The following ZNF783 variants were observed in gnomAD, a reference collection of about 807,000 sequenced individuals.
ZNF783 encodes the protein protein ZNF783.
ZNF783 carries 25 observed loss-of-function variants against 31.3 expected under a neutral mutation model. The observed-to-expected ratio is 0.80, with a 90% confidence interval of 0.58 to 1.11. ZNF783 has a LOEUF of 1.11. Among genes scored for constraint, ZNF783 ranks in the 50% most tolerant of loss-of-function variants. ZNF783 has a pLI of 0.00. For synonymous variants in ZNF783, 369 were observed against 319.1 expected (o/e 1.16, Z -1.66); for missense variants, 797 against 760.0 (o/e 1.05, Z -0.57).
chr7:149,266,372 C>G lies in ZNF783; in HGVS notation c.62C>G (p.Pro21Arg), dbSNP rs1415925055. 6.3e-7 allele frequency: 1 copy of G among 1,597,866 alleles called. No homozygotes were observed. Among genetic ancestry groups the G allele is most frequent in the Non-Finnish European group, 8.5e-7 (1 of 1,178,812 alleles). The change falls in exon 2 of 6, where the codon CCT (proline) becomes CGT (arginine). Residue 21 changes from proline (P) to arginine (R), a missense_variant. Pro to Arg is a moderately radical substitution (Grantham distance 103). Coordinates refer to ENST00000434415, the MANE Select transcript of ZNF783 (RefSeq NM_001195220.2). ...GACAAGCACACAGAGGACCAGAGTC[C>G]TTCGACACCCTTGCCCCAGCCAGCT... ...ETDKHTEDQS[P>R]STPLPQPAAE... is the part of the protein sequence containing the mutation.
intron 5 of ZNF783, among the ~76,000 whole-genome samples, chr7:149,280,046 C>T (rs1388759534): frequency 1.4e-5 from 2 of 147,890 alleles, no homozygotes; most frequent in Non-Finnish European, 3.0e-5. Flanking sequence ...TAGGGGTGGC[C>T]GGGCAGAGGC....
At chr7:149,262,900 T>C (rs116477643) in intron 1 of ZNF783, among the ~76,000 whole-genome samples, 1 of 152,164 alleles carries the variant, frequency 6.6e-6, no homozygotes, top group Admixed American at 6.5e-5. Context: ...TAGATTTTTT[T>C]AAAAAAGATT....
In ZNF783 at chr7:149,282,644, G is replaced by A. The variant is rs1225636296; in HGVS notation, c.*301G>A. 8.7e-6 allele frequency: 3 copies of A among 344,800 alleles called. No homozygotes were observed. Among genetic ancestry groups the A allele is most frequent in the South Asian group, 9.4e-5 (1 of 10,590 alleles). The allele number at this position is 344,800 out of a possible 1,614,324, so 21.4% of individuals were successfully genotyped here. ...AGGACCAGAGATCATGGCCCTTCCA[G>A]TATGGGGGCGATAGAGACATCGGGG... On this transcript the variant is annotated 3_prime_UTR_variant, in exon 6 of 6. Transcript: ENST00000434415.
intron 1 of ZNF783, among the ~76,000 whole-genome samples, chr7:149,266,030 G>A (rs1236732461): frequency 6.6e-6 from 1 of 152,218 alleles, no homozygotes; most frequent in Admixed American, 6.5e-5. Context: ...GAGACTGCAC[G>A]TGGTTGCTCA....
Position 149,266,568 on chromosome 7 carries a change from G to A in ZNF783, c.258G>A (p.Val86=). The A allele has an allele frequency of 5.0e-6, 8 of 1,614,218 alleles. No homozygotes were observed. The highest frequency in any genetic ancestry group is 6.8e-6 in the Non-Finnish European group (8 of 1,180,042). ...TGGCCGACTGCGAGAAGACAGCTGT[G>A]GAGTTCGGGAACCAGCTGGAGGGCA... ...KKLADCEKTA[V]EFGNQLEGKW... Residue 86 remains valine (V), a synonymous_variant, in exon 2 of 6, where the codon GTG becomes GTA. Transcript: ENST00000434415.
At chr7:149,272,196 G>T (rs1472676768) in intron 4 of ZNF783, among the ~76,000 whole-genome samples, 2 of 152,026 alleles carry the variant, frequency 1.3e-5, no homozygotes, top group African/African-American at 4.8e-5. Flanking sequence ...TTTCGTATTA[G>T]CAGAGACGGG....
At position 149,281,788 on chromosome 7, in the gene ZNF783, C is replaced by T; in HGVS notation, c.1086C>T (p.Ile362=). The change falls in exon 6 of 6, where the codon ATC becomes ATT. Residue 362 remains isoleucine, a synonymous_variant. Coordinates refer to ENST00000434415, the MANE Select transcript of ZNF783 (RefSeq NM_001195220.2). The part of the protein sequence containing the change: ...PDCGQSFRLK[I]NLTIHQRTHV... ...GCGGGCAGAGCTTCCGCCTGAAGAT[C>T]AATCTGACGATTCATCAGCGGACCC... 1 of 1,515,264 alleles carries T rather than the reference C, an allele frequency of 6.6e-7. No homozygotes were observed. Among genetic ancestry groups the T allele is most frequent in the Non-Finnish European group, 8.8e-7 (1 of 1,141,618 alleles). 93.9% of individuals were successfully genotyped at this position (1,515,264 alleles called of 1,614,324 possible). A position where few individuals can be genotyped will look rare whatever the true frequency, so the allele number is the denominator to read the frequency against.
At chr7:149,269,386 G>A (rs1221142960) in intron 4 of ZNF783, among the ~76,000 whole-genome samples, 1 of 152,212 alleles carries the variant, frequency 6.6e-6, no homozygotes, top group African/African-American at 2.4e-5. Context: ...TTACTCTGTT[G>A]GTAGTTTCTT....
Position 149,266,354 on chromosome 7 carries a change from A to C in ZNF783, c.44A>C (p.His15Pro). 6.3e-7 allele frequency: 1 copy of C among 1,591,110 alleles called. No homozygotes were observed. The highest frequency in any genetic ancestry group is 8.5e-7 in the Non-Finnish European group (1 of 1,175,258). The change falls in exon 2 of 6, where the codon CAC (histidine) becomes CCC (proline). Residue 15 changes from histidine (H) to proline (P), a missense_variant. Physicochemically the swap from His to Pro is moderately conservative, Grantham distance 77. Transcript: ENST00000434415. The part of the protein sequence containing the change: ...APARDPETDK[H>P]TEDQSPSTPL... The stretch of plus-strand genomic sequence containing the variant: ...GAGCAGGACCCCGAGACAGACAAGC[A>C]CACAGAGGACCAGAGTCCTTCGACA...
intron 1 of ZNF783, among the ~76,000 whole-genome samples, chr7:149,263,166 A>G (rs1796976381): frequency 6.6e-6 from 1 of 151,668 alleles, no homozygotes; most frequent in Admixed American, 6.6e-5. Flanking sequence ...TGACCTCGTG[A>G]TCTGCCCGCC....
chr7:149,273,811 T>C (rs1056690601), intron 4 of ZNF783, among the ~76,000 whole-genome samples: 1 of 152,236 alleles, frequency 6.6e-6, no homozygotes, highest in African/African-American at 2.4e-5. Context: ...TCCAAAGCAC[T>C]GAGATTAGAG....
At chr7:149,263,252 G>GTA (rs952057109) in intron 1 of ZNF783, among the ~76,000 whole-genome samples, 65 of 144,064 alleles carry the variant, frequency 4.5e-4, no homozygotes, top group East Asian at 1.4e-3. Context: ...AATTAAAAAA[G>GTA]TATATATATA....
Position 149,262,275 on chromosome 7 carries a change from G to A in ZNF783, c.-59G>A. 1 of 1,318,778 alleles carries A rather than the reference G, an allele frequency of 7.6e-7. No homozygotes were observed. Among genetic ancestry groups the A allele is most frequent in the Non-Finnish European group, 9.7e-7 (1 of 1,031,136 alleles). 81.7% of individuals were successfully genotyped at this position (1,318,778 alleles called of 1,614,324 possible). On this transcript the variant is annotated 5_prime_UTR_variant, in exon 1 of 6. Coordinates refer to ENST00000434415, the MANE Select transcript of ZNF783 (RefSeq NM_001195220.2). ...CCGCTTCCGCCGTCGCTGCCGCGCC[G>A]CCCCGGGCCCGACAGGCCGGGTCCA...
At chr7:149,265,118 A>T (rs1209860185) in intron 1 of ZNF783, among the ~76,000 whole-genome samples, 1 of 152,140 alleles carries the variant, frequency 6.6e-6, no homozygotes, top group African/African-American at 2.4e-5. Context: ...ACATGGATGG[A>T]TTTGAGGTAA....
chr7:149,267,012 C>G (rs1258978212), intron 3 of ZNF783, 67 bp downstream of exon 3: 5 of 1,612,752 alleles, frequency 3.1e-6, no homozygotes, highest in Admixed American at 1.7e-5. Context: ...TGTGTCTTTG[C>G]TTTGGCTTTT....
At chr7:149,263,284 GTGTGTGTGTGTGTGTGTGTGTATATA>G (rs1796982945) in intron 1 of ZNF783, among the ~76,000 whole-genome samples, 2 of 98,542 alleles carry the variant, frequency 2.0e-5, no homozygotes, top group Admixed American at 1.3e-4. Context: ...GTGTGTGTGT[GTGTGTGTGTGTGTGTGTGTGTATATA>G]TATATATATA....
At position 149,281,739 on chromosome 7, in the gene ZNF783, AGCGGGCATTCCCCTGCCCCGACT is replaced by A. The variant is rs1241136442; in HGVS notation, c.1045_1067del (p.Phe349GlufsTer58). 2.7e-5 allele frequency: 40 copies of A among 1,479,740 alleles called. No individual in the cohort carries two copies. The highest frequency in any genetic ancestry group is 3.4e-5 in the Non-Finnish European group (38 of 1,124,178). The allele number at this position is 1,479,740 out of a possible 1,614,324, so 91.7% of individuals were successfully genotyped here. On this transcript the variant is annotated frameshift_variant, in exon 6 of 6. Coordinates refer to ENST00000434415, the MANE Select transcript of ZNF783 (RefSeq NM_001195220.2). LOFTEE classifies it low-confidence loss of function (END_TRUNC). ...CCCCGAGTCCTCTCCCGCAGGCGGCAGCGGGCATTCCCCTGCCCCGACTGCGGGCAGAGCTTCCGCCTGAAGAT... is the reference window on the plus strand; with the variant it reads ...CCCCGAGTCCTCTCCCGCAGGCGGCAGCGGGCAGAGCTTCCGCCTGAAGAT...
intron 5 of ZNF783, among the ~76,000 whole-genome samples, chr7:149,281,219 C>T (rs889266522): frequency 2.0e-5 from 3 of 152,244 alleles, no homozygotes; most frequent in African/African-American, 7.2e-5. Flanking sequence ...CAGCTGACCC[C>T]TGACCTCTGG....
At chr7:149,278,267 C>A in intron 4 of ZNF783, 132 bp from the exon 5 acceptor site, 1 of 1,468,956 alleles carries the variant, frequency 6.8e-7, no homozygotes, top group Admixed American at 2.3e-5. Flanking sequence ...TGGGGTCCAC[C>A]TCACTATCAT....
Sources: gnomAD v4.1 joint callset for allele counts (sites outside exome capture counted in the v4.1 genomes callset) on GRCh38, gnomAD v4.1.1 for gene constraint, MANE v1.5 for transcripts, NCBI Gene and HGNC (gene_info 2026-07-23, HGNC 2026-07-21) for gene names.